Variants in VRK2 observed in about 807,000 individuals in gnomAD.
VRK2 encodes the protein VRK serine/threonine kinase 2, also known as serine/threonine-protein kinase VRK2.
VRK2 carries 60 observed loss-of-function variants against 57.6 expected under a neutral mutation model. The observed-to-expected ratio is 1.04, with a 90% CI of 0.85 to 1.29. The LOEUF is 1.29. Among genes scored for constraint, VRK2 ranks in the 50% most tolerant of loss-of-function variants. VRK2 has a pLI of 0.00. For synonymous variants in VRK2, 231 were observed against 199.2 expected (o/e 1.16, Z -1.35); for missense variants, 705 against 588.1 (o/e 1.20, Z -2.06).
Position 58,108,256 on chromosome 2 carries a change from A to G in VRK2, c.544-14845A>G, listed in dbSNP as rs550463198. 2.0e-5 allele frequency among the ~76,000 whole-genome samples: 3 copies of G among 151,730 alleles called. No homozygotes were observed. The South Asian group carries it at 6.2e-4, about 32-fold the overall frequency. On this transcript the variant is annotated intron_variant, in intron 7 of 12. Transcript: ENST00000340157. Reference sequence around the variant, plus strand: ...TTTCTCTCAACCCTCTTATCCAGTAACTCGTGGATCTCTTCTTTGTCTCCC... The same window carrying G: ...TTTCTCTCAACCCTCTTATCCAGTAGCTCGTGGATCTCTTCTTTGTCTCCC...
intron 1 of VRK2, among the ~76,000 whole-genome samples, chr2:57,955,854 T>G (rs1444310808): frequency 6.6e-6 from 1 of 152,054 alleles, no homozygotes; most frequent in Admixed American, 6.6e-5. Context: ...AAGTAAAAAT[T>G]TTATTTTGGG....
chr2:57,979,286 T>C (rs888101026), intron 1 of VRK2, among the ~76,000 whole-genome samples: 2 of 151,132 alleles, frequency 1.3e-5, no homozygotes, highest in African/African-American at 2.5e-5. Context: ...CCACCAACAG[T>C]GTAAAAGCAT....
intron 1 of VRK2, among the ~76,000 whole-genome samples, chr2:58,022,451 T>C (rs576357593): frequency 5.9e-5 from 9 of 152,270 alleles, no homozygotes; most frequent in South Asian, 4.1e-4. Flanking sequence ...AAATTTTGTA[T>C]AGTGTTTTAA....
chr2:57,983,741 AAAT>A (rs1349315253), intron 1 of VRK2, among the ~76,000 whole-genome samples: 1 of 152,246 alleles, frequency 6.6e-6, no homozygotes, highest in Non-Finnish European at 1.5e-5. Flanking sequence ...ATCTTGGCTG[AAAT>A]AATGATTACA....
At chr2:58,026,114 C>T (rs1300885035) in intron 2 of VRK2, among the ~76,000 whole-genome samples, 1 of 152,140 alleles carries the variant, frequency 6.6e-6, no homozygotes, top group Non-Finnish European at 1.5e-5. Flanking sequence ...CTCTGTCTCA[C>T]ATTGTACTCT....
At chr2:57,942,297 A>G (rs909981862) in intron 1 of VRK2, among the ~76,000 whole-genome samples, 1 of 152,234 alleles carries the variant, frequency 6.6e-6, no homozygotes, top group South Asian at 2.1e-4. Context: ...CAAATTTTCC[A>G]AAGCAACTAA....
chr2:57,916,409 GAAA>G (rs34988462), intron 1 of VRK2, among the ~76,000 whole-genome samples: 3 of 131,716 alleles, frequency 2.3e-5, no homozygotes, highest in Non-Finnish European at 1.6e-5. Flanking sequence ...TCGTCTCAGA[GAAA>G]AAAAAAAAAA....
intron 1 of VRK2, among the ~76,000 whole-genome samples, chr2:57,918,013 A>C (rs1279263573): frequency 6.6e-6 from 1 of 152,138 alleles, no homozygotes; most frequent in Non-Finnish European, 1.5e-5. Context: ...GAGCTTTATT[A>C]ACTAAAGTTG....
chr2:58,008,118 T>C (rs1404145941), intron 1 of VRK2, among the ~76,000 whole-genome samples: 5 of 152,130 alleles, frequency 3.3e-5, no homozygotes, highest in African/African-American at 1.2e-4. Context: ...ACTGAAATCA[T>C]ACAGAGCATG....
chr2:58,147,938 G>A (rs1465422248), intron 12 of VRK2, among the ~76,000 whole-genome samples: 3 of 151,330 alleles, frequency 2.0e-5, no homozygotes, highest in African/African-American at 7.3e-5. Flanking sequence ...TAATTCACAA[G>A]GCCATTCTCC....
intron 2 of VRK2, among the ~76,000 whole-genome samples, chr2:58,049,467 T>A (rs530281018): frequency 6.6e-6 from 1 of 152,298 alleles, no homozygotes; most frequent in East Asian, 1.9e-4. Context: ...TCCCTAGGGA[T>A]GTGCCATTCT....
intron 2 of VRK2, chr2:58,058,407 C>A (rs1446232760): frequency 2.1e-6 from 1 of 470,204 alleles, no homozygotes. Flanking sequence ...GGCAGCTTCC[C>A]GCAAATTTAT....
At chr2:58,155,243 G>A (rs1683627044) in intron 12 of VRK2, among the ~76,000 whole-genome samples, 1 of 152,178 alleles carries the variant, frequency 6.6e-6, no homozygotes, top group Admixed American at 6.5e-5. Flanking sequence ...AGGGAGATGT[G>A]CGATGCCAAC....
intron 1 of VRK2, among the ~76,000 whole-genome samples, chr2:57,994,004 C>G (rs1013925691): frequency 6.6e-6 from 1 of 152,186 alleles, no homozygotes; most frequent in African/African-American, 2.4e-5. Context: ...CTGAAAACAG[C>G]CTTTCAAGTC....
intron 10 of VRK2, among the ~76,000 whole-genome samples, chr2:58,137,005 ATATT>A (rs1680257787): frequency 1.5e-5 from 2 of 131,668 alleles, no homozygotes; most frequent in Non-Finnish European, 1.5e-5. Flanking sequence ...TATATCATAT[ATATT>A]ATATATATCT....
intron 1 of VRK2, among the ~76,000 whole-genome samples, chr2:57,969,308 GT>G (rs1486322868): frequency 6.6e-6 from 1 of 151,210 alleles, no homozygotes. Flanking sequence ...AAGAAATCAA[GT>G]TTTTTTTTGA....
At chr2:58,153,458 CAATT>C (rs1379081938) in intron 12 of VRK2, among the ~76,000 whole-genome samples, 1 of 152,020 alleles carries the variant, frequency 6.6e-6, no homozygotes, top group South Asian at 2.1e-4. Flanking sequence ...TTTTCTGTAT[CAATT>C]AATATGATCA....
At chr2:58,120,234 A>G (rs1335981026) in intron 7 of VRK2, among the ~76,000 whole-genome samples, 2 of 105,786 alleles carry the variant, frequency 1.9e-5, no homozygotes, top group Non-Finnish European at 3.4e-5. Context: ...TCTGTTGCCC[A>G]GGCTGGAGTG....
At chr2:58,047,006 AGCTCC>A (rs1311214860) in intron 1 of VRK2, 138 bp downstream of exon 1, 1 of 981,320 alleles carries the variant, frequency 1.0e-6, no homozygotes, top group Admixed American at 6.1e-5. Context: ...CCCGGGCCTC[AGCTCC>A]GGCCCGGGCA....
Sources: allele counts gnomAD v4.1 joint callset (sites outside exome capture counted in the v4.1 genomes callset), GRCh38; gene constraint gnomAD v4.1.1; transcripts MANE v1.5; gene names NCBI Gene and HGNC (gene_info 2026-07-23, HGNC 2026-07-21).